Variants in SCN8A observed in about 807,000 individuals in gnomAD.
The protein encoded by SCN8A is sodium channel protein type 8 subunit alpha.
SCN8A carries 30 observed loss-of-function variants against 184.1 expected under a neutral mutation model. That is an observed-to-expected ratio of 0.16 (90% CI 0.12 to 0.22). The LOEUF (loss-of-function observed/expected upper bound fraction) is 0.22, where lower values mean the gene tolerates loss of function less well. SCN8A is among the 10% of genes least tolerant of loss of function. The pLI, the probability that SCN8A is intolerant of heterozygous loss-of-function variation, is 1.00. For missense variants in SCN8A, 1,057 were observed against 2,498.9 expected (o/e 0.42, Z 12.30); for synonymous variants, 852 against 907.0 (o/e 0.94, Z 1.09).
At chr12:51,682,618 GTCTTAT>G (rs1438803922) in intron 2 of SCN8A, among the ~76,000 whole-genome samples, 1 of 152,050 alleles carries the variant, frequency 6.6e-6, no homozygotes, top group African/African-American at 2.4e-5. Context: ...ATGGAACTTG[GTCTTAT>G]GTTCCTTTTT....
chr12:51,746,664 C>G (rs1470573663), intron 13 of SCN8A, among the ~76,000 whole-genome samples: 1 of 152,130 alleles, frequency 6.6e-6, no homozygotes, highest in Non-Finnish European at 1.5e-5. Flanking sequence ...AGTAATGTTG[C>G]TGTCAGTGCC....
Position 51,790,384 on chromosome 12 carries a change from C to T in SCN8A, c.4420-14C>T. 2 of 1,586,126 alleles carry T rather than the reference C, an allele frequency of 1.3e-6. No homozygotes were observed. Among genetic ancestry groups the T allele is most frequent in the Non-Finnish European group, 1.7e-6 (2 of 1,159,832 alleles). On this transcript the variant is annotated splice_polypyrimidine_tract_variant and intron_variant, in intron 24 of 26. Coordinates refer to ENST00000627620, the MANE Select transcript of SCN8A (RefSeq NM_001330260.2). ...GCCAGTTGTAATTGTCTGTTTTCTT[C>T]TTCCCTCCTTTACTTCGGAGGTCAG...
intron 11 of SCN8A, among the ~76,000 whole-genome samples, chr12:51,718,801 C>T (rs996832880): frequency 2.0e-5 from 3 of 151,436 alleles, no homozygotes; most frequent in East Asian, 2.0e-4. Flanking sequence ...TTGGGTTAAA[C>T]GAGCTTCCTT....
At chr12:51,756,067 G>A (rs1027040396) in intron 14 of SCN8A, among the ~76,000 whole-genome samples, 5 of 151,844 alleles carry the variant, frequency 3.3e-5, no homozygotes, top group African/African-American at 1.2e-4. Context: ...CTTAGACCCC[G>A]ATGCCTCACA....
intron 1 of SCN8A, among the ~76,000 whole-genome samples, chr12:51,646,178 C>T (rs974474875): frequency 6.6e-6 from 1 of 152,074 alleles, no homozygotes. Context: ...AAAAGTCACT[C>T]TTGGGACAGG....
chr12:51,750,800 A>ATT (rs1491415363), intron 13 of SCN8A, among the ~76,000 whole-genome samples: 2 of 152,196 alleles, frequency 1.3e-5, no homozygotes, highest in Non-Finnish European at 2.9e-5. Flanking sequence ...TTGAACTCAA[A>ATT]TATGTCTGGC....
intron 20 of SCN8A, 48 bp from the exon 21 acceptor site, chr12:51,780,601 T>TTTTG: frequency 6.9e-6 from 3 of 433,412 alleles, no homozygotes; most frequent in Non-Finnish European, 1.1e-5. Context: ...TTTTTTTTTT[T>TTTTG]TTTGGTTACC....
chr12:51,626,308 G>A (rs540950916), intron 1 of SCN8A, among the ~76,000 whole-genome samples: 89 of 152,300 alleles, frequency 5.8e-4, no homozygotes, highest in African/African-American at 2.0e-3. Flanking sequence ...CTCTCGGGAG[G>A]TTTAAACAAC....
At chr12:51,751,304 C>T in intron 13 of SCN8A, 51 bp from the exon 14 acceptor site, 3 of 1,236,558 alleles carry the variant, frequency 2.4e-6, no homozygotes, top group Non-Finnish European at 3.5e-6. Flanking sequence ...GTGTGTCCCC[C>T]TGGTTTTCTT....
At chr12:51,591,519 C>G (rs1484129845) in intron 1 of SCN8A, among the ~76,000 whole-genome samples, 160 bp downstream of exon 1, 1 of 152,186 alleles carries the variant, frequency 6.6e-6, no homozygotes, top group Non-Finnish European at 1.5e-5. Flanking sequence ...GGGCTCTGCT[C>G]TCCTTGTTTT....
At chr12:51,773,761 G>A (rs564544993) in intron 19 of SCN8A, among the ~76,000 whole-genome samples, 1 of 152,290 alleles carries the variant, frequency 6.6e-6, no homozygotes, top group East Asian at 1.9e-4. Flanking sequence ...AACTGATGAA[G>A]GATAAACAGA....
At chr12:51,614,061 A>G (rs937269630) in intron 1 of SCN8A, among the ~76,000 whole-genome samples, 5 of 152,108 alleles carry the variant, frequency 3.3e-5, no homozygotes, top group African/African-American at 9.7e-5. Flanking sequence ...TATCTATTCA[A>G]GTTGGTTGAT....
At chr12:51,650,768 C>T (rs182084468) in intron 1 of SCN8A, among the ~76,000 whole-genome samples, 290 of 152,222 alleles carry the variant, frequency 1.9e-3, no homozygotes, top group Middle Eastern at 0.01. Flanking sequence ...GAGACCAGCT[C>T]GGTCGGGGAG....
chr12:51,606,904 A>ATT (rs1039936203), intron 1 of SCN8A, among the ~76,000 whole-genome samples: 2 of 145,584 alleles, frequency 1.4e-5, no homozygotes, highest in African/African-American at 2.5e-5. Flanking sequence ...TTATTTATTT[A>ATT]TTTTTTTTTT....
At chr12:51,681,495 G>A (rs889773195) in intron 2 of SCN8A, among the ~76,000 whole-genome samples, 14 of 152,204 alleles carry the variant, frequency 9.2e-5, no homozygotes, top group African/African-American at 3.4e-4. Flanking sequence ...GTACTTCAGA[G>A]AAGGGGTTTG....
chr12:51,769,183 G>A lies in SCN8A; in HGVS notation c.3220G>A (p.Val1074Met), dbSNP rs776703521. The change falls in exon 17 of 27, where the codon GTG becomes ATG. Residue 1074 changes from valine (V) to methionine (M), a missense_variant. By Grantham distance (21) the Val-to-Met change is conservative (BLOSUM62 1). Coordinates refer to ENST00000627620, the MANE Select transcript of SCN8A (RefSeq NM_001330260.2). ...NGTTSGIGSSVEKYIIDEDHM... is the reference protein window; with the variant it reads ...NGTTSGIGSSMEKYIIDEDHM... Reference sequence around the variant, plus strand: ...CACAACCAGCGGCATTGGCAGCAGCGTGGAGAAGTACATCATTGATGAGGA... The same window carrying A: ...CACAACCAGCGGCATTGGCAGCAGCATGGAGAAGTACATCATTGATGAGGA... 16 of 1,613,790 alleles carry A rather than the reference G, an allele frequency of 9.9e-6. No individual in the cohort carries two copies. The highest frequency in any genetic ancestry group is 1.2e-5 in the Non-Finnish European group (14 of 1,179,800).
At chr12:51,601,414 A>T (rs1315378389) in intron 1 of SCN8A, among the ~76,000 whole-genome samples, 1 of 151,010 alleles carries the variant, frequency 6.6e-6, no homozygotes, top group African/African-American at 2.4e-5. Context: ...CAGTGATCAT[A>T]TGAATGTTTC....
At chr12:51,789,506 T>C (rs1456819662) in intron 24 of SCN8A, 88 bp downstream of exon 24, 14 of 1,348,134 alleles carry the variant, frequency 1.0e-5, no homozygotes, top group African/African-American at 1.5e-5. Context: ...AAAATGTCCC[T>C]CTTTCTTTCT....
In SCN8A at chr12:51,812,092, T is replaced by G. The variant is rs899469102; in HGVS notation, c.*4663T>G. The G allele has an allele frequency of 4.0e-5, 6 of 151,680 alleles. No homozygotes were observed. Among genetic ancestry groups the G allele is most frequent in the African/African-American group, 1.5e-4 (6 of 41,332 alleles). The allele number at this position is 151,680 out of a possible 1,614,324, so 9.4% of individuals were successfully genotyped here. On this transcript the variant is annotated 3_prime_UTR_variant, in exon 27 of 27. Coordinates refer to ENST00000627620, the MANE Select transcript of SCN8A (RefSeq NM_001330260.2). ...AGCTCTGTGCTTTCTTGGATTCCCT[T>G]TCCAAGATTACCAAGATTTCCTCCA... is the stretch of plus-strand genomic sequence containing the variant.
Sources: gnomAD v4.1 joint callset for allele counts (sites outside exome capture counted in the v4.1 genomes callset) on GRCh38, gnomAD v4.1.1 for gene constraint, MANE v1.5 for transcripts, NCBI Gene and HGNC (gene_info 2026-07-23, HGNC 2026-07-21) for gene names.